The following DCDC1 variants were observed in gnomAD, a reference collection of about 807,000 sequenced individuals.
DCDC1 encodes the protein doublecortin domain-containing protein 1.
A neutral mutation model predicts 178.3 loss-of-function variants in DCDC1; 200 were observed. That is an observed-to-expected ratio of 1.12 (90% CI 1.00 to 1.26). The LOEUF is 1.26. Among genes scored for constraint, DCDC1 ranks in the 50% most tolerant of loss-of-function variants. The pLI, the probability that DCDC1 is intolerant of heterozygous loss-of-function variation, is 0.00. For synonymous variants in DCDC1, 690 were observed against 604.8 expected, an observed-to-expected ratio of 1.14 and a Z score of -2.07; for missense variants, 1,983 against 1,749.2, an observed-to-expected ratio of 1.13 and a Z score of -2.38.
chr11:31,292,075 C>G (rs1454850994), intron 6 of DCDC1, among the ~76,000 whole-genome samples: 1 of 151,978 alleles, frequency 6.6e-6, no homozygotes, highest in Non-Finnish European at 1.5e-5. Flanking sequence ...AACACATATA[C>G]CGTGGCAGAT....
chr11:30,896,314 A>C (rs150226065), intron 34 of DCDC1, among the ~76,000 whole-genome samples: 86 of 152,244 alleles, frequency 5.6e-4, no homozygotes, highest in South Asian at 4.1e-4. Context: ...CCTCTTCCCT[A>C]GTCCTATTGT....
At chr11:30,976,221 C>A (rs75289607) in intron 20 of DCDC1, among the ~76,000 whole-genome samples, 6 of 151,764 alleles carry the variant, frequency 4.0e-5, no homozygotes, top group Non-Finnish European at 8.8e-5. Context: ...ACCTAAGACC[C>A]GAAACTATAA....
chr11:31,294,278 A>C (rs1947440136), intron 6 of DCDC1, among the ~76,000 whole-genome samples: 1 of 151,922 alleles, frequency 6.6e-6, no homozygotes, highest in Non-Finnish European at 1.5e-5. Context: ...TAGGCCTGGC[A>C]TGTTCAAGAA....
intron 21 of DCDC1, among the ~76,000 whole-genome samples, chr11:30,939,287 T>C (rs1947484739): frequency 6.6e-6 from 1 of 152,084 alleles, no homozygotes; most frequent in Non-Finnish European, 1.5e-5. Context: ...CCACCTAAAT[T>C]GGTTGGGACA....
chr11:31,001,259 C>T (rs1951560287), intron 20 of DCDC1, among the ~76,000 whole-genome samples: 1 of 151,920 alleles, frequency 6.6e-6, no homozygotes, highest in African/African-American at 2.4e-5. Flanking sequence ...CAAGTAAAGG[C>T]ATTTTGAAAG....
chr11:31,220,313 T>G (rs1306725674), intron 9 of DCDC1, among the ~76,000 whole-genome samples: 1 of 152,212 alleles, frequency 6.6e-6, no homozygotes, highest in Non-Finnish European at 1.5e-5. Flanking sequence ...TCATAATATA[T>G]TCTTGATGAA....
intron 10 of DCDC1, 113 bp from the exon 11 acceptor site, chr11:31,127,752 T>C (rs1458229357): frequency 1.1e-5 from 7 of 623,066 alleles, no homozygotes; most frequent in African/African-American, 1.8e-5. Context: ...ATACAGGAAT[T>C]TGAGTACAGA....
intron 9 of DCDC1, among the ~76,000 whole-genome samples, chr11:31,155,482 T>A (rs939447833): frequency 2.0e-5 from 3 of 152,222 alleles, no homozygotes; most frequent in Non-Finnish European, 4.4e-5. Context: ...AAAAATAATC[T>A]CCTTCCTTTG....
chr11:31,303,496 G>A (rs894187916), intron 6 of DCDC1, among the ~76,000 whole-genome samples: 6 of 151,866 alleles, frequency 4.0e-5, no homozygotes, highest in East Asian at 1.9e-4. Context: ...GAAAATTATC[G>A]ATTTATCTGT....
chr11:31,341,550 C>T (rs986141078), intron 1 of DCDC1, among the ~76,000 whole-genome samples: 4 of 152,168 alleles, frequency 2.6e-5, no homozygotes, highest in Non-Finnish European at 5.9e-5. Context: ...ATACTATACA[C>T]CTAGCCTCTA....
At chr11:30,895,777 C>A (rs1270454589) in intron 34 of DCDC1, among the ~76,000 whole-genome samples, 1 of 152,170 alleles carries the variant, frequency 6.6e-6, no homozygotes, top group East Asian at 1.9e-4. Context: ...CATGGTGGCA[C>A]CTCACAAATA....
chr11:31,252,638 A>AG (rs752573329), intron 8 of DCDC1, among the ~76,000 whole-genome samples: 10 of 152,086 alleles, frequency 6.6e-5, no homozygotes, highest in Non-Finnish European at 1.2e-4. Flanking sequence ...GACAGAACAG[A>AG]GAAGAGTGAG....
intron 18 of DCDC1, among the ~76,000 whole-genome samples, chr11:31,072,407 T>C (rs1047711721): frequency 2.6e-5 from 4 of 152,170 alleles, no homozygotes; most frequent in Non-Finnish European, 5.9e-5. Flanking sequence ...TTATTTTTGC[T>C]TAATTATTTT....
At chr11:30,906,748 C>T in intron 29 of DCDC1, 23 bp from the exon 30 acceptor site, 1 of 1,602,552 alleles carries the variant, frequency 6.2e-7, no homozygotes, top group Admixed American at 1.7e-5. Flanking sequence ...ACAAAGATGG[C>T]TTTATATAGG....
intron 20 of DCDC1, among the ~76,000 whole-genome samples, chr11:31,032,594 A>C (rs752402257): frequency 6.6e-6 from 1 of 152,122 alleles, no homozygotes; most frequent in South Asian, 2.1e-4. Flanking sequence ...CTAATGAGAC[A>C]GTGTAAATGA....
At chr11:30,964,082 T>C (rs1244190122) in intron 20 of DCDC1, among the ~76,000 whole-genome samples, 1 of 152,276 alleles carries the variant, frequency 6.6e-6, no homozygotes, top group South Asian at 2.1e-4. Context: ...AAAATATGTT[T>C]TTTTAAAAAA....
intron 24 of DCDC1, among the ~76,000 whole-genome samples, chr11:30,921,906 G>A (rs1325139975): frequency 6.6e-6 from 1 of 152,048 alleles, no homozygotes; most frequent in Non-Finnish European, 1.5e-5. Flanking sequence ...GCCAAGCAGG[G>A]GTGAGGTGGC....
chr11:31,061,184 C>T (rs746460992), intron 20 of DCDC1, among the ~76,000 whole-genome samples: 2 of 152,126 alleles, frequency 1.3e-5, no homozygotes, highest in Admixed American at 6.6e-5. Flanking sequence ...TCATTATTTC[C>T]TTCTCACAGG....
intron 9 of DCDC1, among the ~76,000 whole-genome samples, chr11:31,193,010 T>C (rs1970297220): frequency 6.6e-6 from 1 of 152,112 alleles, no homozygotes. Context: ...CAACTCCAAG[T>C]TCTCAAGTCT....
Sources: gnomAD v4.1 joint callset for allele counts (sites outside exome capture counted in the v4.1 genomes callset) on GRCh38, gnomAD v4.1.1 for gene constraint, MANE v1.5 for transcripts, NCBI Gene and HGNC (gene_info 2026-07-23, HGNC 2026-07-21) for gene names.